SLX9: variants seen among roughly 807,000 people sequenced by gnomAD.
The protein encoded by SLX9 is SLX9 ribosome biogenesis factor.
SLX9 carries 19 observed loss-of-function variants against 20.8 expected under a neutral mutation model. The observed-to-expected ratio is 0.91, with a 90% CI of 0.64 to 1.34. SLX9 has a LOEUF of 1.34. SLX9 is among the 40% of genes most tolerant of loss of function. The probability of loss-of-function intolerance (pLI) is 0.00; values close to 1 mark genes in which losing one functional copy is unlikely to be tolerated. For missense variants in SLX9, 299 were observed against 322.2 expected (o/e 0.93, Z 0.55); for synonymous variants, 113 against 137.1 (o/e 0.82, Z 1.23).
intron 4 of SLX9, among the ~76,000 whole-genome samples, chr21:44,971,598 C>A (rs867703174): frequency 6.6e-6 from 1 of 152,180 alleles, no homozygotes; most frequent in African/African-American, 2.4e-5. Context: ...CTCCAGGGCC[C>A]GAGGTTTCCC....
chr21:44,949,041 C>A (rs1242551173), intron 2 of SLX9, among the ~76,000 whole-genome samples: 1 of 152,192 alleles, frequency 6.6e-6, no homozygotes, highest in Non-Finnish European at 1.5e-5. Context: ...CACACCCGGC[C>A]GGGCTCTGAC....
intron 4 of SLX9, among the ~76,000 whole-genome samples, chr21:44,972,672 T>C (rs559242297): frequency 1.3e-5 from 2 of 152,334 alleles, no homozygotes; most frequent in South Asian, 4.1e-4. Flanking sequence ...GTGCGCCTTC[T>C]TCTAAAGAGA....
intron 2 of SLX9, among the ~76,000 whole-genome samples, chr21:44,953,217 C>T (rs561401042): frequency 1.1e-4 from 17 of 152,376 alleles, no homozygotes; most frequent in African/African-American, 3.8e-4. Flanking sequence ...AGGGCTATCC[C>T]TTCCTCTGTG....
At chr21:44,940,218 C>T (rs1344406432) in intron 1 of SLX9, 32 bp downstream of exon 1, 44 of 1,217,100 alleles carry the variant, frequency 3.6e-5, no homozygotes, top group Non-Finnish European at 4.3e-5. Context: ...CGGGGGCTGC[C>T]GCGTGGGTCC....
intron 1 of SLX9, among the ~76,000 whole-genome samples, chr21:44,940,537 A>C (rs960892621): frequency 1.3e-5 from 2 of 152,232 alleles, no homozygotes; most frequent in Non-Finnish European, 2.9e-5. Flanking sequence ...AACGGAGAGC[A>C]AACTGAAGAG....
intron 2 of SLX9, 59 bp downstream of exon 2, chr21:44,943,896 C>T: frequency 1.9e-6 from 3 of 1,607,584 alleles, no homozygotes; most frequent in Non-Finnish European, 2.6e-6. Context: ...ATTGTTCCCT[C>T]AGGCACCCGA....
chr21:44,976,577 C>T, intron 5 of SLX9, 103 bp from the exon 6 acceptor site: 1 of 1,494,084 alleles, frequency 6.7e-7, no homozygotes. Flanking sequence ...CGTGGTGGCC[C>T]CAGGCCTCTG....
At chr21:44,969,252 G>T in intron 4 of SLX9, 1 of 467,682 alleles carries the variant, frequency 2.1e-6, no homozygotes, top group South Asian at 1.6e-5. Context: ...AGAGCACTGG[G>T]TCCAGAATAG....
intron 4 of SLX9, among the ~76,000 whole-genome samples, chr21:44,969,538 G>T (rs1308901388): frequency 6.6e-6 from 1 of 152,112 alleles, no homozygotes; most frequent in Non-Finnish European, 1.5e-5. Context: ...CCTCAGATGT[G>T]GCTCAGGCAG....
At chr21:44,949,879 C>T (rs1009756738) in intron 2 of SLX9, among the ~76,000 whole-genome samples, 8 of 152,176 alleles carry the variant, frequency 5.3e-5, no homozygotes, top group East Asian at 1.9e-4. Context: ...GAGGGACCTG[C>T]GGTGGAGGGC....
At chr21:44,952,530 A>G (rs1175712626) in intron 2 of SLX9, among the ~76,000 whole-genome samples, 1 of 152,172 alleles carries the variant, frequency 6.6e-6, no homozygotes, top group African/African-American at 2.4e-5. Context: ...GTCTGGCCCC[A>G]GCTGCTTCAG....
intron 4 of SLX9, chr21:44,969,289 A>G (rs2085099490): frequency 2.2e-6 from 1 of 446,276 alleles, no homozygotes; most frequent in African/African-American, 2.0e-5. Flanking sequence ...TGGCGATGTG[A>G]TGACCGAACA....
chr21:44,948,167 C>T lies in SLX9; in HGVS notation c.283+4330C>T, dbSNP rs528903491. Among the ~76,000 whole-genome samples, 9 of 152,220 alleles carry T rather than the reference C, an allele frequency of 5.9e-5. No homozygotes were observed. The South Asian group carries it at 1.0e-3, about 18-fold the overall frequency. ...ATCCGGGGAGCTGGTCATGCAGCAT[C>T]GGGCGATCGGGCATCCGGGGAGGTG... On this transcript the variant is annotated intron_variant, in intron 2 of 5. Coordinates refer to ENST00000291634, the MANE Select transcript of SLX9 (RefSeq NM_058190.4).
intron 1 of SLX9, among the ~76,000 whole-genome samples, chr21:44,941,500 G>C (rs2084547895): frequency 6.6e-6 from 1 of 151,770 alleles, no homozygotes; most frequent in Non-Finnish European, 1.5e-5. Flanking sequence ...TGGCTAGTTG[G>C]ATCTGCTTAA....
At chr21:44,961,341 G>A (rs891487431) in intron 3 of SLX9, among the ~76,000 whole-genome samples, 4 of 152,198 alleles carry the variant, frequency 2.6e-5, no homozygotes, top group African/African-American at 9.7e-5. Flanking sequence ...CACTTTGGAA[G>A]GTTGAGATGG....
At chr21:44,970,357 GTTC>G (rs147591769) in intron 4 of SLX9, among the ~76,000 whole-genome samples, 11,887 of 152,256 alleles carry the variant, frequency 0.078, 1,538 homozygotes, top group African/African-American at 0.27. Flanking sequence ...GCCGCTGGGA[GTTC>G]TTGCAGTTGC....
intron 2 of SLX9, among the ~76,000 whole-genome samples, chr21:44,948,679 TG>T (rs1191201026): frequency 6.6e-6 from 1 of 151,876 alleles, no homozygotes; most frequent in Non-Finnish European, 1.5e-5. Flanking sequence ...TTGGGGGCGG[TG>T]GGGGCATGAG....
intron 5 of SLX9, among the ~76,000 whole-genome samples, chr21:44,974,150 T>C (rs2838750): frequency 0.35 from 52,686 of 152,164 alleles, 13,855 homozygotes; most frequent in African/African-American, 0.74. Context: ...GAGCCACATT[T>C]TACGCCCTTG....
At chr21:44,957,286 C>T (rs750098933) in intron 2 of SLX9, among the ~76,000 whole-genome samples, 13 of 152,340 alleles carry the variant, frequency 8.5e-5, no homozygotes, top group East Asian at 3.9e-4. Context: ...GTTCCTTGAA[C>T]GGCCCTTGAG....
Sources: gnomAD v4.1 joint callset for allele counts (sites outside exome capture counted in the v4.1 genomes callset) on GRCh38, gnomAD v4.1.1 for gene constraint, MANE v1.5 for transcripts, NCBI Gene and HGNC (gene_info 2026-07-23, HGNC 2026-07-21) for gene names.